The following PPFIBP1 variants were observed in gnomAD, a reference collection of about 807,000 sequenced individuals.
The protein encoded by PPFIBP1 is PPFIB scaffold protein 1.
PPFIBP1 carries 112 observed loss-of-function variants against 137.8 expected under a neutral mutation model. That is an observed-to-expected ratio of 0.81 (90% CI 0.70 to 0.95). PPFIBP1 has a LOEUF of 0.95. Ranked by LOEUF, PPFIBP1 falls within the 40% of genes least tolerant of loss-of-function variation. PPFIBP1 has a pLI of 0.00. For missense variants in PPFIBP1, 1,083 were observed against 1,196.6 expected (o/e 0.91, Z 1.40); for synonymous variants, 378 against 417.3 (o/e 0.91, Z 1.15).
intron 1 of PPFIBP1, among the ~76,000 whole-genome samples, chr12:27,572,542 A>G (rs1381295533): frequency 6.6e-6 from 1 of 152,228 alleles, no homozygotes; most frequent in Admixed American, 6.5e-5. Flanking sequence ...TTGCAAAGCA[A>G]CATGTTAATT....
chr12:27,644,485 T>A (rs1676643927), intron 4 of PPFIBP1, among the ~76,000 whole-genome samples: 1 of 152,134 alleles, frequency 6.6e-6, no homozygotes, highest in Non-Finnish European at 1.5e-5. Context: ...AACAGATGGC[T>A]GTTAATGTCC....
At chr12:27,672,639 TG>T (rs2060271433) in intron 15 of PPFIBP1, among the ~76,000 whole-genome samples, 156 bp downstream of exon 15, 1 of 152,084 alleles carries the variant, frequency 6.6e-6, no homozygotes, top group Non-Finnish European at 1.5e-5. Flanking sequence ...GGGGTGAAGG[TG>T]GGGAGCTGTA....
chr12:27,560,253 G>A (rs2136366562), intron 1 of PPFIBP1, among the ~76,000 whole-genome samples: 1 of 152,274 alleles, frequency 6.6e-6, no homozygotes, highest in East Asian at 1.9e-4. Flanking sequence ...AATTTGGGAG[G>A]AATAAAGGAT....
intron 12 of PPFIBP1, among the ~76,000 whole-genome samples, chr12:27,666,579 T>A (rs2059871154): frequency 6.6e-6 from 1 of 152,214 alleles, no homozygotes; most frequent in Non-Finnish European, 1.5e-5. Flanking sequence ...AAAAAAAAAT[T>A]CTCAAGTTTG....
chr12:27,639,205 C>G (rs537714561), intron 4 of PPFIBP1, among the ~76,000 whole-genome samples: 1 of 151,676 alleles, frequency 6.6e-6, no homozygotes, highest in Admixed American at 6.6e-5. Context: ...TTCAGAAGTG[C>G]GTCTCCTGTG....
intron 4 of PPFIBP1, among the ~76,000 whole-genome samples, chr12:27,641,551 G>T (rs1409244359): frequency 6.6e-6 from 1 of 152,140 alleles, no homozygotes; most frequent in Non-Finnish European, 1.5e-5. Flanking sequence ...GAAATTTTCT[G>T]TAATAAAAAA....
chr12:27,600,203 C>T (rs1335227606), intron 2 of PPFIBP1, among the ~76,000 whole-genome samples: 2 of 151,992 alleles, frequency 1.3e-5, no homozygotes, highest in African/African-American at 4.8e-5. Flanking sequence ...TTTGGGAGGT[C>T]GAGGCATGTG....
rs995782245 is a variant in PPFIBP1 at position 27,525,597 on chromosome 12, A to G, written c.-124+1232A>G. ...TCCTTCACCGAAGTTCCTCCTCAGC[A>G]GTGAGGATCCTACTGTTGCCAGGTC... is the stretch of plus-strand genomic sequence containing the variant. On this transcript the variant is annotated intron_variant, in intron 1 of 29. Coordinates refer to ENST00000228425, the MANE Select transcript of PPFIBP1 (RefSeq NM_003622.4). 5.9e-5 allele frequency among the ~76,000 whole-genome samples: 9 copies of G among 151,462 alleles called. No homozygotes were observed. In the East Asian group the frequency reaches 1.6e-3, roughly 26 times the overall value.
chr12:27,647,638 C>T (rs561642862), intron 5 of PPFIBP1, 91 bp from the exon 6 acceptor site: 104 of 708,736 alleles, frequency 1.5e-4, no homozygotes, highest in African/African-American at 8.7e-4. Context: ...ATGGTAGGAT[C>T]ATTCCTTTTT....
At chr12:27,638,197 G>A (rs1191229930) in intron 4 of PPFIBP1, among the ~76,000 whole-genome samples, 1 of 152,010 alleles carries the variant, frequency 6.6e-6, no homozygotes, top group Non-Finnish European at 1.5e-5. Flanking sequence ...ACTTTAAAAT[G>A]GTTAAAATGC....
At chr12:27,612,338 T>TTTTG (rs1340402223) in intron 2 of PPFIBP1, among the ~76,000 whole-genome samples, 1 of 142,888 alleles carries the variant, frequency 7.0e-6, no homozygotes, top group Non-Finnish European at 1.5e-5. Flanking sequence ...GTTTTTTTTT[T>TTTTG]TTTTTTTTTT....
intron 1 of PPFIBP1, among the ~76,000 whole-genome samples, chr12:27,530,113 G>A (rs147072311): frequency 0.011 from 1,672 of 152,266 alleles, 20 homozygotes; most frequent in South Asian, 0.023. Flanking sequence ...TTGACAGGGC[G>A]GCTGCTATTG....
chr12:27,604,492 T>C (rs35962603), intron 2 of PPFIBP1, among the ~76,000 whole-genome samples: 22,389 of 152,150 alleles, frequency 0.15, 2,171 homozygotes, highest in African/African-American at 0.26. Flanking sequence ...GACCTGCCTG[T>C]GGGCCAAAAC....
At chr12:27,642,712 G>C (rs968511900) in intron 4 of PPFIBP1, among the ~76,000 whole-genome samples, 2 of 152,108 alleles carry the variant, frequency 1.3e-5, no homozygotes, top group African/African-American at 4.8e-5. Flanking sequence ...AGTGGGAGGT[G>C]AGTGGAGTGT....
intron 1 of PPFIBP1, among the ~76,000 whole-genome samples, chr12:27,568,056 C>T (rs1289983456): frequency 2.0e-5 from 3 of 152,094 alleles, no homozygotes; most frequent in Non-Finnish European, 4.4e-5. Context: ...TTTTTAAGGG[C>T]AACGGGAAAA....
intron 1 of PPFIBP1, among the ~76,000 whole-genome samples, chr12:27,568,407 A>G (rs922446749): frequency 1.3e-5 from 2 of 152,158 alleles, no homozygotes; most frequent in Non-Finnish European, 2.9e-5. Context: ...TAAGCTTAGG[A>G]TAGTGTGTTT....
intron 4 of PPFIBP1, among the ~76,000 whole-genome samples, chr12:27,640,431 A>T (rs1177549777): frequency 6.6e-6 from 1 of 152,184 alleles, no homozygotes; most frequent in Non-Finnish European, 1.5e-5. Context: ...GAATCACGAT[A>T]TTGAATGAAT....
At chr12:27,555,366 A>C (rs926657028) in intron 1 of PPFIBP1, among the ~76,000 whole-genome samples, 2 of 152,216 alleles carry the variant, frequency 1.3e-5, no homozygotes, top group African/African-American at 4.8e-5. Context: ...AGATTTCTCT[A>C]AATGTGGCTT....
intron 1 of PPFIBP1, among the ~76,000 whole-genome samples, chr12:27,564,165 C>A (rs764605696): frequency 1.1e-4 from 17 of 152,216 alleles, no homozygotes; most frequent in Non-Finnish European, 2.4e-4. Context: ...GCCACCGTGC[C>A]TGGCCAATGC....
Sources: allele counts gnomAD v4.1 joint callset (sites outside exome capture counted in the v4.1 genomes callset), GRCh38; gene constraint gnomAD v4.1.1; transcripts MANE v1.5; gene names NCBI Gene and HGNC (gene_info 2026-07-23, HGNC 2026-07-21).